The following CDK17 variants were observed in gnomAD, a reference collection of about 807,000 sequenced individuals.
CDK17 encodes the protein cyclin-dependent kinase 17.
A neutral mutation model predicts 77.6 loss-of-function variants in CDK17; 24 were observed. The observed-to-expected ratio is 0.31, with a 90% CI of 0.22 to 0.44. CDK17 has a LOEUF of 0.44. CDK17 is among the 20% of genes least tolerant of loss of function. The pLI is 1.00. For synonymous variants in CDK17, 203 were observed against 210.4 expected, an observed-to-expected ratio of 0.96 and a Z score of 0.30; for missense variants, 429 against 622.5, an observed-to-expected ratio of 0.69 and a Z score of 3.31.
intron 4 of CDK17, among the ~76,000 whole-genome samples, chr12:96,312,313 T>G (rs1952654704): frequency 6.6e-6 from 1 of 151,956 alleles, no homozygotes; most frequent in Admixed American, 6.5e-5. Context: ...AAAAAGAATA[T>G]AATCTAGAGC....
At chr12:96,384,392 A>T (rs1309440980) in intron 1 of CDK17, among the ~76,000 whole-genome samples, 1 of 152,230 alleles carries the variant, frequency 6.6e-6, no homozygotes, top group Non-Finnish European at 1.5e-5. Context: ...TCAATTCAAT[A>T]ATCCCATTAC....
chr12:96,285,052 C>T (rs868032346), intron 13 of CDK17, among the ~76,000 whole-genome samples: 1 of 152,068 alleles, frequency 6.6e-6, no homozygotes, highest in Non-Finnish European at 1.5e-5. Flanking sequence ...ATCCAGAGTT[C>T]CCTGGGCACA....
At chr12:96,373,603 A>G (rs761972605) in intron 1 of CDK17, among the ~76,000 whole-genome samples, 10 of 150,078 alleles carry the variant, frequency 6.7e-5, no homozygotes, top group Non-Finnish European at 1.5e-4. Context: ...CTCAGAAGAA[A>G]AGAGAGAGAG....
At chr12:96,328,369 GC>G (rs564848704) in intron 2 of CDK17, among the ~76,000 whole-genome samples, 82 of 152,134 alleles carry the variant, frequency 5.4e-4, no homozygotes, top group African/African-American at 1.8e-3. Context: ...AATATACTAT[GC>G]TTGAATCATC....
At chr12:96,342,893 C>G (rs754635517) in intron 1 of CDK17, among the ~76,000 whole-genome samples, 2 of 151,940 alleles carry the variant, frequency 1.3e-5, no homozygotes, top group Non-Finnish European at 2.9e-5. Flanking sequence ...ACCCAGGAGG[C>G]AGAGACTGCA....
rs563761474 is a variant in CDK17, at chr12:96,311,021, A to G, written c.543+31T>C. 5.7e-6 allele frequency: 9 copies of G among 1,572,812 alleles called. No individual in the cohort carries two copies. The South Asian group carries it at 9.8e-5, about 17-fold the overall frequency. Reference sequence around the variant, plus strand: ...AGCAGCAAACAAGCAGATCTGATTGATGGTGGAGGTATAGGAGACCAAAAA... The same window carrying G: ...AGCAGCAAACAAGCAGATCTGATTGGTGGTGGAGGTATAGGAGACCAAAAA... On this transcript the variant is annotated intron_variant, in intron 5 of 16. Transcript: ENST00000261211.
intron 1 of CDK17, among the ~76,000 whole-genome samples, chr12:96,355,145 T>C (rs1374381555): frequency 6.6e-6 from 1 of 152,158 alleles, no homozygotes; most frequent in African/African-American, 2.4e-5. Flanking sequence ...TAACCTCGTT[T>C]TCTGCCATTC....
At chr12:96,341,531 A>G (rs964576141) in intron 1 of CDK17, among the ~76,000 whole-genome samples, 2 of 152,256 alleles carry the variant, frequency 1.3e-5, no homozygotes, top group Non-Finnish European at 2.9e-5. Context: ...GTTATCAACA[A>G]TAAGTACATA....
chr12:96,390,536 T>C (rs1226690479), intron 1 of CDK17, among the ~76,000 whole-genome samples: 1 of 148,078 alleles, frequency 6.8e-6, no homozygotes, highest in South Asian at 2.1e-4. Context: ...TGGTGAAACA[T>C]GGTCTCCACT....
chr12:96,311,029 G>A, intron 5 of CDK17, 23 bp downstream of exon 5: 1 of 1,590,782 alleles, frequency 6.3e-7, no homozygotes, highest in Non-Finnish European at 8.5e-7. Flanking sequence ...TGATGGTGGA[G>A]GTATAGGAGA....
At chr12:96,281,517 C>T (rs914588685) in intron 15 of CDK17, among the ~76,000 whole-genome samples, 5 of 152,252 alleles carry the variant, frequency 3.3e-5, no homozygotes, top group South Asian at 2.1e-4. Flanking sequence ...TACAGGTACG[C>T]GCCACCACGC....
chr12:96,320,090 C>T (rs1362519601), intron 3 of CDK17, among the ~76,000 whole-genome samples: 1 of 152,184 alleles, frequency 6.6e-6, no homozygotes, highest in Non-Finnish European at 1.5e-5. Context: ...TAAGCAACTT[C>T]AGCAAAGTCT....
intron 1 of CDK17, among the ~76,000 whole-genome samples, chr12:96,349,073 G>T (rs1419704509): frequency 6.6e-6 from 1 of 152,024 alleles, no homozygotes; most frequent in Non-Finnish European, 1.5e-5. Flanking sequence ...AATTGAATTC[G>T]GCAGCTTATT....
intron 1 of CDK17, chr12:96,386,705 C>T (rs773377101): frequency 1.3e-5 from 2 of 152,388 alleles, no homozygotes; most frequent in Non-Finnish European, 2.9e-5. Context: ...ATTACATGGA[C>T]ATACTGCATA....
intron 1 of CDK17, among the ~76,000 whole-genome samples, chr12:96,391,379 T>A (rs1261099564): frequency 6.6e-6 from 1 of 150,420 alleles, no homozygotes; most frequent in Non-Finnish European, 1.5e-5. Flanking sequence ...AACTTTCACC[T>A]CCCGGGTTCA....
chr12:96,365,943 C>G (rs1953577026), intron 1 of CDK17, among the ~76,000 whole-genome samples: 1 of 152,196 alleles, frequency 6.6e-6, no homozygotes, highest in Non-Finnish European at 1.5e-5. Flanking sequence ...AATAGTACTT[C>G]TACAGGAGAC....
At chr12:96,348,530 AAAAAAAAAAAAAC>A (rs1953263266) in intron 1 of CDK17, among the ~76,000 whole-genome samples, 4 of 151,066 alleles carry the variant, frequency 2.6e-5, no homozygotes, top group Admixed American at 2.0e-4. Context: ...TCTCAAAAAA[AAAAAAAAAAAAAC>A]AAAAAAGAAA....
At chr12:96,363,152 T>C (rs769206125) in intron 1 of CDK17, among the ~76,000 whole-genome samples, 2 of 151,986 alleles carry the variant, frequency 1.3e-5, no homozygotes, top group Admixed American at 1.3e-4. Context: ...ATTAGCATTT[T>C]AAAATTAGAA....
In CDK17 at chr12:96,311,092, A is replaced by G; in HGVS notation, c.503T>C (p.Phe168Ser). The change falls in exon 5 of 17, where the codon TTT becomes TCT. Residue 168 changes from phenylalanine (F) to serine (S), a missense_variant. Transcript: ENST00000261211. ...LEKLQINSPP[F>S]DQPMSRRSRR... ...AGACCTTCGACTCATTGGTTGGTCA[A>G]ATGGTGGACTGTTTATCTGCAACTT... is the stretch of plus-strand genomic sequence containing the variant. 3.1e-6 allele frequency: 5 copies of G among 1,604,004 alleles called. No homozygotes were observed. The highest frequency in any genetic ancestry group is 4.2e-6 in the Non-Finnish European group (5 of 1,177,118).
Sources: allele counts gnomAD v4.1 joint callset (sites outside exome capture counted in the v4.1 genomes callset), GRCh38; gene constraint gnomAD v4.1.1; transcripts MANE v1.5; gene names NCBI Gene and HGNC (gene_info 2026-07-23, HGNC 2026-07-21).